EPHB1: variants seen among roughly 807,000 people sequenced by gnomAD.
EPHB1 encodes EPH receptor B1, also known as ephrin type-B receptor 1.
EPHB1 carries 30 observed loss-of-function variants against 94.4 expected under a neutral mutation model. The ratio of observed to expected loss-of-function variants is 0.32; its 90% CI spans 0.24 to 0.43. The LOEUF (loss-of-function observed/expected upper bound fraction) is 0.43. Among genes scored for constraint, EPHB1 ranks in the 20% least tolerant of loss-of-function variants. The pLI, the probability that EPHB1 is intolerant of heterozygous loss-of-function variation, is 1.00. For synonymous variants in EPHB1, 522 were observed against 489.1 expected (o/e 1.07, Z -0.89); for missense variants, 1,055 against 1,308.3 (o/e 0.81, Z 2.99).
intron 1 of EPHB1, among the ~76,000 whole-genome samples, chr3:134,822,917 C>T (rs2036408559): frequency 6.6e-6 from 1 of 152,182 alleles, no homozygotes; most frequent in African/African-American, 2.4e-5. Flanking sequence ...CTGGCAAGGC[C>T]TGCAACCTTG....
chr3:134,915,724 G>C (rs372074374), intron 1 of EPHB1, among the ~76,000 whole-genome samples: 1 of 151,984 alleles, frequency 6.6e-6, no homozygotes. Flanking sequence ...CTCTTAAGGC[G>C]GCGCGTCCGG....
At chr3:134,876,591 A>G (rs1006981642) in intron 1 of EPHB1, among the ~76,000 whole-genome samples, 1 of 152,178 alleles carries the variant, frequency 6.6e-6, no homozygotes, top group Non-Finnish European at 1.5e-5. Flanking sequence ...TCAGATTTGA[A>G]ATGGAGACAG....
At chr3:134,887,252 C>CT (rs1181053284) in intron 1 of EPHB1, among the ~76,000 whole-genome samples, 2 of 152,208 alleles carry the variant, frequency 1.3e-5, no homozygotes, top group Admixed American at 1.3e-4. Context: ...TGATCATCAT[C>CT]TTCTAGTAGA....
chr3:135,091,139 C>A (rs1193347319), intron 3 of EPHB1, among the ~76,000 whole-genome samples: 1 of 152,208 alleles, frequency 6.6e-6, no homozygotes, highest in Non-Finnish European at 1.5e-5. Context: ...TAATTAGATG[C>A]CCTTGCATCC....
intron 1 of EPHB1, among the ~76,000 whole-genome samples, chr3:134,812,120 G>GAA (rs35717493): frequency 1.3e-5 from 2 of 151,496 alleles, no homozygotes; most frequent in Non-Finnish European, 2.9e-5. Context: ...TCCATTTTTG[G>GAA]AAAAAAAATA....
intron 4 of EPHB1, 61 bp downstream of exon 4, chr3:135,106,664 G>A: frequency 6.3e-7 from 1 of 1,597,442 alleles, no homozygotes; most frequent in Non-Finnish European, 8.6e-7. Flanking sequence ...GCAAGTGGTG[G>A]GTCTGGGGCA....
At chr3:135,211,849 A>G (rs1943041383) in intron 12 of EPHB1, among the ~76,000 whole-genome samples, 2 of 152,174 alleles carry the variant, frequency 1.3e-5, no homozygotes, top group South Asian at 2.1e-4. Flanking sequence ...GAGGTTCCCT[A>G]TGCTTTATAA....
intron 12 of EPHB1, among the ~76,000 whole-genome samples, chr3:135,217,458 A>G (rs1017537507): frequency 3.6e-4 from 53 of 146,884 alleles, no homozygotes; most frequent in African/African-American, 1.2e-3. Context: ...ACACACACAC[A>G]CACACACACG....
chr3:134,805,402 C>T (rs969170207), intron 1 of EPHB1, among the ~76,000 whole-genome samples: 2 of 152,190 alleles, frequency 1.3e-5, no homozygotes, highest in South Asian at 2.1e-4. Context: ...GGTCAGAACA[C>T]ACTTTGGGTG....
intron 3 of EPHB1, among the ~76,000 whole-genome samples, chr3:135,018,009 G>C (rs1243604545): frequency 6.6e-6 from 1 of 152,124 alleles, no homozygotes; most frequent in Non-Finnish European, 1.5e-5. Context: ...GTGAGGGGGG[G>C]CATGATGAGA....
chr3:135,240,959 T>G (rs953760985), intron 12 of EPHB1, among the ~76,000 whole-genome samples, 189 bp from the exon 13 acceptor site: 1 of 152,146 alleles, frequency 6.6e-6, no homozygotes, highest in Non-Finnish European at 1.5e-5. Context: ...ACAGGCATGC[T>G]GGTCACCTTG....
chr3:135,107,057 C>G (rs906802379), intron 4 of EPHB1, among the ~76,000 whole-genome samples: 1 of 152,212 alleles, frequency 6.6e-6, no homozygotes, highest in Non-Finnish European at 1.5e-5. Context: ...TCATTCTGTA[C>G]TTATCTCAGT....
chr3:135,040,345 C>T (rs998094829), intron 3 of EPHB1, among the ~76,000 whole-genome samples: 1 of 152,332 alleles, frequency 6.6e-6, no homozygotes, highest in Admixed American at 6.5e-5. Flanking sequence ...TTCTCAGCCA[C>T]CCAGAATTCT....
chr3:135,246,156 C>T (rs1480982283), intron 13 of EPHB1, among the ~76,000 whole-genome samples: 1 of 152,104 alleles, frequency 6.6e-6, no homozygotes, highest in South Asian at 2.1e-4. Flanking sequence ...CATTAACTGC[C>T]CTGCACTGGA....
At chr3:135,105,578 A>AG (rs566042723) in intron 3 of EPHB1, among the ~76,000 whole-genome samples, 147 of 152,300 alleles carry the variant, frequency 9.7e-4, no homozygotes, top group Non-Finnish European at 1.7e-3. Flanking sequence ...TTAAGACCCG[A>AG]GGGATAGCTT....
intron 15 of EPHB1, among the ~76,000 whole-genome samples, chr3:135,255,475 C>T (rs1933340319): frequency 6.9e-6 from 1 of 144,394 alleles, no homozygotes; most frequent in Admixed American, 6.9e-5. Flanking sequence ...TCGTTATGTA[C>T]CCAGTAGTCA....
chr3:135,135,330 T>A (rs370661660), intron 5 of EPHB1, among the ~76,000 whole-genome samples: 1 of 152,218 alleles, frequency 6.6e-6, no homozygotes, highest in Admixed American at 6.5e-5. Context: ...GCCATCGCAC[T>A]GATTTGATGA....
At chr3:134,826,637 T>A (rs1231107259) in intron 1 of EPHB1, among the ~76,000 whole-genome samples, 2 of 152,230 alleles carry the variant, frequency 1.3e-5, no homozygotes, top group Non-Finnish European at 2.9e-5. Context: ...TAATAAATCA[T>A]CATTTTGGCA....
intron 3 of EPHB1, among the ~76,000 whole-genome samples, chr3:134,984,894 G>T (rs1934540711): frequency 6.6e-6 from 1 of 152,164 alleles, no homozygotes; most frequent in Non-Finnish European, 1.5e-5. Flanking sequence ...GAGAGATGAG[G>T]TAGCAGAGGT....
Sources: gnomAD v4.1 joint callset for allele counts (sites outside exome capture counted in the v4.1 genomes callset) on GRCh38, gnomAD v4.1.1 for gene constraint, MANE v1.5 for transcripts, NCBI Gene and HGNC (gene_info 2026-07-23, HGNC 2026-07-21) for gene names.